Variants in DENND1B observed in about 807,000 individuals in gnomAD.
The protein encoded by DENND1B is DENN domain containing 1B, also known as DENN domain-containing protein 1B.
In DENND1B, 59 loss-of-function variants were observed where a neutral mutation model predicts 90.1. The ratio of observed to expected loss-of-function variants is 0.65; its 90% CI spans 0.53 to 0.81. The LOEUF is 0.81. Ranked by LOEUF, DENND1B falls within the 40% of genes least tolerant of loss-of-function variation. The pLI is 0.00. For missense variants in DENND1B, 862 were observed against 912.6 expected (o/e 0.94, Z 0.71); for synonymous variants, 337 against 324.6 (o/e 1.04, Z -0.41).
At chr1:197,528,990 A>C (rs1451830168) in intron 20 of DENND1B, among the ~76,000 whole-genome samples, 1 of 151,976 alleles carries the variant, frequency 6.6e-6, no homozygotes, top group Non-Finnish European at 1.5e-5. Context: ...CTAATAGTAG[A>C]AATTATGACT....
chr1:197,658,115 ACT>A (rs1406483078), intron 6 of DENND1B, among the ~76,000 whole-genome samples, 183 bp downstream of exon 6: 1 of 152,136 alleles, frequency 6.6e-6, no homozygotes, highest in African/African-American at 2.4e-5. Flanking sequence ...ATGAGTAGAT[ACT>A]GTTTAATGGA....
At position 197,583,239 on chromosome 1, in the gene DENND1B, A is replaced by G. The variant is rs768355251; in HGVS notation, c.1062T>C (p.Thr354=). 63 of 1,613,690 alleles carry G rather than the reference A, an allele frequency of 3.9e-5. No individual in the cohort carries two copies. The highest frequency in any genetic ancestry group is 1.0e-4 in the Admixed American group (6 of 59,962). Residue 354 remains threonine (T), a synonymous_variant, in exon 15 of 23, where the codon ACT becomes ACC. Coordinates refer to ENST00000620048, the MANE Select transcript of DENND1B (RefSeq NM_001195215.2). ...ALRYKPGEPI[T]FCEESFVKHR... is the part of the protein sequence containing the mutation. Reference sequence around the variant, plus strand: ...GCTTTACAAAACTCTCCTCACAGAAAGTGATGGGCTCACCCTAGATAGAAA... The same window carrying G: ...GCTTTACAAAACTCTCCTCACAGAAGGTGATGGGCTCACCCTAGATAGAAA...
intron 6 of DENND1B, 116 bp downstream of exon 6, chr1:197,658,184 G>C (rs978494826): frequency 1.2e-6 from 1 of 823,210 alleles, no homozygotes; most frequent in African/African-American, 1.7e-5. Flanking sequence ...GATGATTGCA[G>C]ATCAACATTA....
chr1:197,546,298 A>G (rs1232879721), intron 17 of DENND1B, among the ~76,000 whole-genome samples: 2 of 152,224 alleles, frequency 1.3e-5, no homozygotes, highest in African/African-American at 4.8e-5. Flanking sequence ...TTAAAGCTTA[A>G]TAAGAAAGAA....
At chr1:197,658,216 T>C in intron 6 of DENND1B, 84 bp downstream of exon 6, 1 of 1,101,654 alleles carries the variant, frequency 9.1e-7, no homozygotes, top group Non-Finnish European at 1.4e-6. Context: ...GTCACAAAAC[T>C]ATACACTTAA....
At chr1:197,565,475 CT>C (rs66660353) in intron 15 of DENND1B, among the ~76,000 whole-genome samples, 23,708 of 150,700 alleles carry the variant, frequency 0.16, 2,127 homozygotes, top group Non-Finnish European at 0.2. Flanking sequence ...TTTTTTCTTT[CT>C]TTTTTTTTTC....
chr1:197,605,644 C>A (rs1025317572), intron 13 of DENND1B: 46 of 151,048 alleles, frequency 3.0e-4, no homozygotes, highest in African/African-American at 1.1e-3. Context: ...ATGAGTAACT[C>A]TAATAATTTC....
intron 13 of DENND1B, 56 bp from the exon 14 acceptor site, chr1:197,595,389 T>C (rs1675594624): frequency 6.3e-7 from 1 of 1,589,066 alleles, no homozygotes; most frequent in African/African-American, 1.4e-5. Context: ...TACAGCGAGG[T>C]AGGAACCCAA....
intron 14 of DENND1B, among the ~76,000 whole-genome samples, chr1:197,591,512 C>G (rs1373406582): frequency 6.6e-6 from 1 of 152,058 alleles, no homozygotes; most frequent in Non-Finnish European, 1.5e-5. Flanking sequence ...ATATTCAGTC[C>G]TGCTGTGTAG....
rs1457427550 is a variant in DENND1B, at chr1:197,507,801, G to A, written c.*2659C>T. On this transcript the variant is annotated 3_prime_UTR_variant, in exon 23 of 23. Coordinates refer to ENST00000620048, the MANE Select transcript of DENND1B (RefSeq NM_001195215.2). The stretch of plus-strand genomic sequence containing the variant: ...CTCACTATAACCACCATAATACTAG[G>A]AAGTCTAAGTTTAAGAGCAGACTTT... 1 of 151,458 alleles carries A rather than the reference G, an allele frequency of 6.6e-6. No individual in the cohort carries two copies. The highest frequency in any genetic ancestry group is 2.4e-5 in the African/African-American group (1 of 41,278). 9.4% of individuals were successfully genotyped at this position (151,458 alleles called of 1,614,324 possible).
intron 6 of DENND1B, among the ~76,000 whole-genome samples, chr1:197,655,230 G>T (rs1558362309): frequency 6.6e-6 from 1 of 152,134 alleles, no homozygotes; most frequent in African/African-American, 2.4e-5. Flanking sequence ...ACAATAGCTG[G>T]ATATTAGTTT....
At position 197,509,554 on chromosome 1, in the gene DENND1B, C is replaced by A. The variant is rs957657165; in HGVS notation, c.*906G>T. 6.6e-6 allele frequency: 1 copy of A among 151,072 alleles called. No individual in the cohort carries two copies. The highest frequency in any genetic ancestry group is 1.5e-5 in the Non-Finnish European group (1 of 67,664). 9.4% of individuals were successfully genotyped at this position (151,072 alleles called of 1,614,324 possible). On this transcript the variant is annotated 3_prime_UTR_variant, in exon 23 of 23. Transcript: ENST00000620048. ...ATCTAAAACTTCTAAAATACAAAGT[C>A]AATTATTTTAAAAAGTAAATTTGAG...
At chr1:197,526,788 G>C (rs1025616572) in intron 20 of DENND1B, among the ~76,000 whole-genome samples, 1 of 152,118 alleles carries the variant, frequency 6.6e-6, no homozygotes, top group African/African-American at 2.4e-5. Flanking sequence ...TTATTGAAAG[G>C]AGCTGGTTTT....
intron 2 of DENND1B, among the ~76,000 whole-genome samples, chr1:197,767,297 C>G (rs1655817155): frequency 6.6e-6 from 1 of 151,738 alleles, no homozygotes; most frequent in Admixed American, 6.6e-5. Context: ...AAATACCAAG[C>G]AGAAGCAAAA....
intron 10 of DENND1B, among the ~76,000 whole-genome samples, chr1:197,628,007 T>C (rs903438792): frequency 6.6e-6 from 1 of 152,104 alleles, no homozygotes; most frequent in African/African-American, 2.4e-5. Flanking sequence ...TACAAAACAC[T>C]GCTCAATGAA....
chr1:197,736,758 T>G (rs1207155539), intron 2 of DENND1B, among the ~76,000 whole-genome samples: 1 of 152,232 alleles, frequency 6.6e-6, no homozygotes, highest in Non-Finnish European at 1.5e-5. Context: ...GCATTCCTGT[T>G]GTACTGGAAT....
intron 20 of DENND1B, among the ~76,000 whole-genome samples, chr1:197,520,959 A>C (rs1031165680): frequency 1.3e-5 from 2 of 151,994 alleles, no homozygotes; most frequent in Admixed American, 6.6e-5. Context: ...TACTAAACTA[A>C]TGAAAAAGGC....
In DENND1B at chr1:197,511,878, T is replaced by A; in HGVS notation, c.1665A>T (p.Thr555=). The change falls in exon 22 of 23, where the codon ACA becomes ACT. Residue 555 remains threonine, a synonymous_variant. Coordinates refer to ENST00000620048, the MANE Select transcript of DENND1B (RefSeq NM_001195215.2). ...YLYESDDSVE[T]RVKTPYSGEM... ...CACCTGAGTAAGGAGTCTTCACTCTTGTTTCAACAGAGTCATCACTCTCAT... is the reference window on the plus strand; with the variant it reads ...CACCTGAGTAAGGAGTCTTCACTCTAGTTTCAACAGAGTCATCACTCTCAT... The A allele has an allele frequency of 6.2e-7, 1 of 1,611,282 alleles. No homozygotes were observed. The highest frequency in any genetic ancestry group is 8.5e-7 in the Non-Finnish European group (1 of 1,178,172).
upstream of DENND1B, chr1:197,775,625 A>G (rs750989140): frequency 1.1e-3 from 162 of 153,280 alleles, no homozygotes; most frequent in Non-Finnish European, 2.0e-3. Context: ...GTGCAGGGGG[A>G]GCGCTAGTGC....
Sources: allele counts gnomAD v4.1 joint callset (sites outside exome capture counted in the v4.1 genomes callset), GRCh38; gene constraint gnomAD v4.1.1; transcripts MANE v1.5; gene names NCBI Gene and HGNC (gene_info 2026-07-23, HGNC 2026-07-21).